ACACB: variants seen among roughly 807,000 people sequenced by gnomAD.
ACACB encodes acetyl-CoA carboxylase 2.
ACACB carries 209 observed loss-of-function variants against 278.8 expected under a neutral mutation model. The ratio of observed to expected loss-of-function variants is 0.75; its 90% confidence interval spans 0.67 to 0.84. The LOEUF (loss-of-function observed/expected upper bound fraction) is 0.84. ACACB is among the 40% of genes least tolerant of loss of function. The pLI, the probability that ACACB is intolerant of heterozygous loss-of-function variation, is 0.00. For missense variants in ACACB, 2,850 were observed against 3,269.0 expected, an observed-to-expected ratio of 0.87 and a Z score of 3.13; for synonymous variants, 1,174 against 1,285.6, an observed-to-expected ratio of 0.91 and a Z score of 1.86.
At chr12:109,256,283 C>T in intron 45 of ACACB, 47 bp downstream of exon 45, 1 of 1,545,720 alleles carries the variant, frequency 6.5e-7, no homozygotes, top group Non-Finnish European at 8.9e-7. Context: ...ACTCACCAGG[C>T]ATTGGGGCCC....
At chr12:109,252,942 T>G in intron 42 of ACACB, 73 bp from the exon 43 acceptor site, 2 of 1,385,894 alleles carry the variant, frequency 1.4e-6, no homozygotes, top group Non-Finnish European at 1.9e-6. Flanking sequence ...TGAGAAGCAC[T>G]GAGATGATTT....
intron 42 of ACACB, 52 bp downstream of exon 42, chr12:109,252,208 T>C (rs2136761697): frequency 7.7e-7 from 1 of 1,290,372 alleles, no homozygotes; most frequent in South Asian, 1.4e-5. Flanking sequence ...CAGGAGTCAT[T>C]TTAACATTCC....
intron 2 of ACACB, among the ~76,000 whole-genome samples, chr12:109,142,411 A>G (rs2043143853): frequency 6.6e-6 from 1 of 152,186 alleles, no homozygotes; most frequent in African/African-American, 2.4e-5. Context: ...TATTTGGTAG[A>G]TAATAAATAG....
intron 36 of ACACB, 50 bp downstream of exon 36, chr12:109,241,331 G>T (rs113178544): frequency 0.027 from 42,763 of 1,562,800 alleles, 632 homozygotes; most frequent in Middle Eastern, 0.04. Context: ...GAAGCAGGCT[G>T]CTTGGGCCAT....
intron 22 of ACACB, 65 bp downstream of exon 22, chr12:109,213,001 G>C: frequency 4.9e-6 from 7 of 1,420,632 alleles, no homozygotes; most frequent in Non-Finnish European, 7.0e-6. Flanking sequence ...TTGCACCAGG[G>C]TGGTGCTCTG....
chr12:109,212,537 A>G (rs931899919), intron 21 of ACACB, among the ~76,000 whole-genome samples: 1 of 152,066 alleles, frequency 6.6e-6, no homozygotes, highest in Non-Finnish European at 1.5e-5. Context: ...CGAGCATGCA[A>G]CCTAGGTCCC....
At chr12:109,243,889 A>T (rs768907680) in intron 37 of ACACB, among the ~76,000 whole-genome samples, 24 of 132,886 alleles carry the variant, frequency 1.8e-4, no homozygotes, top group East Asian at 6.4e-4. Flanking sequence ...ATATATATAT[A>T]TATATATTTA....
chr12:109,254,779 TTC>T (rs1053533155), intron 44 of ACACB, among the ~76,000 whole-genome samples: 2 of 151,772 alleles, frequency 1.3e-5, no homozygotes, highest in African/African-American at 4.8e-5. Context: ...TGGTCTCCTC[TTC>T]TTTTTTTTTT....
At chr12:109,227,519 C>A in intron 28 of ACACB, 30 bp downstream of exon 28, 1 of 1,596,660 alleles carries the variant, frequency 6.3e-7, no homozygotes. Flanking sequence ...CAGGGACGGC[C>A]TGTGTTTCTG....
At chr12:109,172,558 C>T (rs182829639) in intron 6 of ACACB, among the ~76,000 whole-genome samples, 15 of 152,078 alleles carry the variant, frequency 9.9e-5, no homozygotes, top group South Asian at 2.1e-4. Flanking sequence ...AGGAGCTGCC[C>T]GCTTTTCAAA....
chr12:109,155,247 C>T (rs2043499553), intron 2 of ACACB, among the ~76,000 whole-genome samples: 1 of 152,210 alleles, frequency 6.6e-6, no homozygotes, highest in African/African-American at 2.4e-5. Flanking sequence ...CCCGCTTTCT[C>T]TCCTTCGCCT....
intron 44 of ACACB, among the ~76,000 whole-genome samples, chr12:109,255,030 C>T (rs2047189387): frequency 6.6e-6 from 1 of 152,098 alleles, no homozygotes; most frequent in Non-Finnish European, 1.5e-5. Context: ...CTGCCTCAGC[C>T]TCCCAAAGTG....
intron 1 of ACACB, among the ~76,000 whole-genome samples, chr12:109,135,398 T>A (rs1654876): frequency 0.26 from 39,697 of 151,934 alleles, 5,595 homozygotes; most frequent in East Asian, 0.62. Flanking sequence ...TTTTAGGAGT[T>A]CTTTATACAT....
At position 109,212,866 on chromosome 12, in the gene ACACB, AC is replaced by A; in HGVS notation, c.3283del (p.Leu1095CysfsTer32). On this transcript the variant is annotated frameshift_variant, in exon 22 of 53. Transcript: ENST00000338432. LOFTEE classifies it high-confidence loss of function. The stretch of plus-strand genomic sequence containing the variant: ...CACCATCCTGGACTGCCATGCAGCC[AC>A]CCTGCAGCGGAAGGCTGATCGAGAG... ...IATILDCHAA[T>X]LQRKADREVF... 1 of 1,614,078 alleles carries A rather than the reference AC, an allele frequency of 6.2e-7. No homozygotes were observed. Among genetic ancestry groups the A allele is most frequent in the Non-Finnish European group, 8.5e-7 (1 of 1,180,002 alleles).
At chr12:109,152,613 C>G (rs901853442) in intron 2 of ACACB, among the ~76,000 whole-genome samples, 1 of 149,334 alleles carries the variant, frequency 6.7e-6, no homozygotes, top group African/African-American at 2.5e-5. Flanking sequence ...AAGTGTGGCC[C>G]TGCCTGTGCC....
intron 22 of ACACB, among the ~76,000 whole-genome samples, 170 bp downstream of exon 22, chr12:109,213,106 T>G (rs1174470947): frequency 6.6e-6 from 1 of 152,210 alleles, no homozygotes; most frequent in Non-Finnish European, 1.5e-5. Flanking sequence ...GGTACTTTAC[T>G]TCTGTAAATC....
At chr12:109,206,983 A>G in intron 20 of ACACB, 127 bp downstream of exon 20, 1 of 1,137,768 alleles carries the variant, frequency 8.8e-7, no homozygotes. Flanking sequence ...TTTTTATTTT[A>G]TTTATTTTAT....
rs182422290 is a variant in ACACB at position 109,160,550 on chromosome 12, T to C, written c.654-6311T>C. ...TGACACCTCTGCTGTTGATTGTACC[T>C]GAAGTCATTTCCAAAGTCACCTTGA... On this transcript the variant is annotated intron_variant, in intron 2 of 52. Coordinates refer to ENST00000338432, the MANE Select transcript of ACACB (RefSeq NM_001093.4). 3.7e-3 allele frequency among the ~76,000 whole-genome samples: 560 copies of C among 152,344 alleles called. 1 individual carries two copies. The highest frequency in any genetic ancestry group is 5.8e-3 in the Non-Finnish European group (393 of 68,024).
intron 48 of ACACB, among the ~76,000 whole-genome samples, chr12:109,261,735 G>A (rs2047382161): frequency 6.6e-6 from 1 of 152,018 alleles, no homozygotes; most frequent in African/African-American, 2.4e-5. Flanking sequence ...GCTGGGCATG[G>A]TGGTACACGC....
Sources: gnomAD v4.1 joint callset for allele counts (sites outside exome capture counted in the v4.1 genomes callset) on GRCh38, gnomAD v4.1.1 for gene constraint, MANE v1.5 for transcripts, NCBI Gene and HGNC (gene_info 2026-07-23, HGNC 2026-07-21) for gene names.